FGB: variants seen among roughly 807,000 people sequenced by gnomAD.
FGB encodes fibrinogen beta chain.
In FGB, 25 loss-of-function variants were observed where a neutral mutation model predicts 57.9. The observed-to-expected ratio is 0.43, with a 90% confidence interval of 0.31 to 0.60. The LOEUF (loss-of-function observed/expected upper bound fraction) is 0.60, where lower values mean the gene tolerates loss of function less well. Ranked by LOEUF, FGB falls within the 20% of genes least tolerant of loss-of-function variation. FGB has a pLI of 0.08. For synonymous variants in FGB, 203 were observed against 199.2 expected (o/e 1.02, Z -0.16); for missense variants, 536 against 598.4 (o/e 0.90, Z 1.09).
In FGB at chr4:154,567,479, G is replaced by T. The variant is rs192905623; in HGVS notation, c.491-114G>T. 1.8e-4 allele frequency: 126 copies of T among 705,036 alleles called. 1 individual carries two copies. The East Asian group carries it at 3.0e-3, about 17-fold the overall frequency. 43.7% of individuals were successfully genotyped at this position (705,036 alleles called of 1,614,324 possible). A position where few individuals can be genotyped will look rare whatever the true frequency, so the allele number is the denominator to read the frequency against. Reference sequence around the variant, plus strand: ...TATGACTATATATCATAACTGCTTGGTGATAGCTCAGTGTTTAATAGTTTA... The same window carrying T: ...TATGACTATATATCATAACTGCTTGTTGATAGCTCAGTGTTTAATAGTTTA... On this transcript the variant is annotated intron_variant, in intron 3 of 7. Coordinates refer to ENST00000302068, the MANE Select transcript of FGB (RefSeq NM_005141.5).
chr4:154,565,607 C>CT, intron 1 of FGB: 1 of 595,026 alleles, frequency 1.7e-6, no homozygotes, highest in East Asian at 2.9e-5. Flanking sequence ...TGCATCATAG[C>CT]TTTTTTGTGC....
chr4:154,562,993 A>T, upstream of FGB: 1 of 1,132,086 alleles, frequency 8.8e-7, no homozygotes, highest in Non-Finnish European at 1.3e-6. Flanking sequence ...TATATATAGG[A>T]TTGAAGATCT....
intron 3 of FGB, 106 bp from the exon 4 acceptor site, chr4:154,567,487 T>C: frequency 1.4e-6 from 1 of 724,872 alleles, no homozygotes; most frequent in Non-Finnish European, 2.5e-6. Context: ...TGGTGATAGC[T>C]CAGTGTTTAA....
intron 1 of FGB, chr4:154,565,371 T>A (rs1730112109): frequency 3.5e-6 from 1 of 283,926 alleles, no homozygotes; most frequent in African/African-American, 2.3e-5. Flanking sequence ...CTTAAATATG[T>A]TTATATAGGA....
intron 1 of FGB, 78 bp from the exon 2 acceptor site, chr4:154,565,730 A>C (rs1437487817): frequency 7.1e-7 from 1 of 1,402,318 alleles, no homozygotes; most frequent in Non-Finnish European, 1.0e-6. Context: ...CCTAAATTAT[A>C]AAATGAGGGT....
At chr4:154,568,841 A>G (rs1202348048) in intron 5 of FGB, among the ~76,000 whole-genome samples, 1 of 150,422 alleles carries the variant, frequency 6.6e-6, no homozygotes, top group African/African-American at 2.5e-5. Flanking sequence ...AACAGAGGAT[A>G]GTGAGATCCT....
Position 154,568,507 on chromosome 4 carries a change from C to T in FGB, c.832+13C>T, listed in dbSNP as rs1267612010. ...ACAGAAAATGGAGGTAAGCTTTCGA[C>T]AGTTGTTGACCTGTTGATCTGTAAT... On this transcript the variant is annotated intron_variant, in intron 5 of 7. Coordinates refer to ENST00000302068, the MANE Select transcript of FGB (RefSeq NM_005141.5). The T allele has an allele frequency of 7.7e-7, 1 of 1,301,650 alleles. No individual in the cohort carries two copies. The highest frequency in any genetic ancestry group is 1.1e-6 in the Non-Finnish European group (1 of 895,334). 80.6% of individuals were successfully genotyped at this position (1,301,650 alleles called of 1,614,324 possible).
intron 1 of FGB, among the ~76,000 whole-genome samples, chr4:154,564,776 A>T (rs1022696571): frequency 6.6e-6 from 1 of 152,058 alleles, no homozygotes; most frequent in Non-Finnish European, 1.5e-5. Context: ...AAAAAATGAG[A>T]ATGTAGTTAA....
Position 154,570,714 on chromosome 4 carries a change from A to G in FGB, c.*64A>G, listed in dbSNP as rs1422843533. 1.6e-6 allele frequency: 2 copies of G among 1,283,408 alleles called. No homozygotes were observed. The highest frequency in any genetic ancestry group is 1.8e-4 in the Middle Eastern group (1 of 5,466). The allele number at this position is 1,283,408 out of a possible 1,614,324, so 79.5% of individuals were successfully genotyped here. On this transcript the variant is annotated 3_prime_UTR_variant, in exon 8 of 8. Transcript: ENST00000302068. ...ACATTTTTGTACATTATGTTATTGGAATTTTCTTTCATACATTATATTCCT... is the reference window on the plus strand; with the variant it reads ...ACATTTTTGTACATTATGTTATTGGGATTTTCTTTCATACATTATATTCCT...
intron 1 of FGB, among the ~76,000 whole-genome samples, chr4:154,563,812 A>G (rs1202679787): frequency 1.3e-5 from 2 of 152,032 alleles, no homozygotes; most frequent in Non-Finnish European, 2.9e-5. Flanking sequence ...CTAAAAATAC[A>G]GAAATGCATT....
chr4:154,566,351 A>G (rs1236614809), intron 2 of FGB, 138 bp from the exon 3 acceptor site: 3 of 789,308 alleles, frequency 3.8e-6, no homozygotes, highest in East Asian at 5.3e-5. Flanking sequence ...TGACTTTCGA[A>G]TTTCTGGTCT....
chr4:154,565,910 G>A lies in FGB; in HGVS notation c.217G>A (p.Ala73Thr). 1 of 1,614,048 alleles carries A rather than the reference G, an allele frequency of 6.2e-7. No homozygotes were observed. Among genetic ancestry groups the A allele is most frequent in the Non-Finnish European group, 8.5e-7 (1 of 1,180,034 alleles). The change falls in exon 2 of 8, where the codon GCT (alanine) becomes ACT (threonine). Residue 73 changes from alanine (A) to threonine (T), a missense_variant. Physicochemically the swap from Ala to Thr is moderately conservative, Grantham distance 58. This residue lies in a region of FGB where 354 missense variants were observed against 383.4 expected (regional missense o/e 0.92). Transcript: ENST00000302068. ...GCCCATCAGTGGAGGTGGCTATCGG[G>A]CTCGTCCAGCCAAAGCAGCTGCCAC... The part of the protein sequence containing the change: ...PPPISGGGYR[A>T]RPAKAAATQK...
intron 4 of FGB, 127 bp from the exon 5 acceptor site, chr4:154,568,254 T>C: frequency 1.4e-6 from 1 of 694,824 alleles, no homozygotes; most frequent in Non-Finnish European, 2.6e-6. Context: ...TTTGTTATAT[T>C]ATTTTCAAAG....
At chr4:154,567,950 C>G (rs1284546952) in intron 4 of FGB, 130 bp downstream of exon 4, 2 of 778,800 alleles carry the variant, frequency 2.6e-6, no homozygotes, top group East Asian at 5.1e-5. Context: ...TACAGTACAT[C>G]ATAAAAATAT....
At chr4:154,565,513 C>T (rs775931870) in intron 1 of FGB, 6 of 380,956 alleles carry the variant, frequency 1.6e-5, no homozygotes, top group Non-Finnish European at 2.4e-5. Context: ...TCGTAAGTTC[C>T]AATGTATGTT....
At position 154,568,349 on chromosome 4, in the gene FGB, C is replaced by G. The variant is rs140030259; in HGVS notation, c.719-32C>G. On this transcript the variant is annotated intron_variant, in intron 4 of 7. Transcript: ENST00000302068. ...AAATACAAAGTAATTATGTCATAAA[C>G]CCCTGAACATAATGTTGTCTTACAT... 7.3e-4 allele frequency: 797 copies of G among 1,093,942 alleles called. 4 individuals carry two copies. The African/African-American group carries it at 0.01, about 14-fold the overall frequency. The allele number at this position is 1,093,942 out of a possible 1,614,324, so 67.8% of individuals were successfully genotyped here. A position where few individuals can be genotyped will look rare whatever the true frequency, so the allele number is the denominator to read the frequency against.
intron 5 of FGB, among the ~76,000 whole-genome samples, chr4:154,568,753 A>G (rs1730285070): frequency 6.6e-6 from 1 of 151,134 alleles, no homozygotes; most frequent in Non-Finnish European, 1.5e-5. Flanking sequence ...AGTCCCAGCT[A>G]TCCAGGAGGC....
At position 154,570,624 on chromosome 4, in the gene FGB, A is replaced by C. The variant is rs763133457; in HGVS notation, c.1450A>C (p.Ile484Leu). The C allele has an allele frequency of 1.1e-5, 18 of 1,613,830 alleles. No individual in the cohort carries two copies. The African/African-American group carries it at 2.4e-4, about 22-fold the overall frequency. Residue 484 changes from isoleucine to leucine, a missense_variant, in exon 8 of 8, where the codon ATC (isoleucine) becomes CTC (leucine). Coordinates refer to ENST00000302068, the MANE Select transcript of FGB (RefSeq NM_005141.5). Reference protein sequence around the residue: ...WYSMRKMSMKIRPFFPQQ With the variant: ...WYSMRKMSMKLRPFFPQQ ...CTCAATGAGGAAGATGAGTATGAAG[A>C]TCAGGCCCTTCTTCCCACAGCAATA...
chr4:154,566,522 G>A lies in FGB; in HGVS notation c.340G>A (p.Glu114Lys), dbSNP rs1257352154. The A allele has an allele frequency of 1.1e-5, 18 of 1,613,992 alleles. No homozygotes were observed. The highest frequency in any genetic ancestry group is 1.5e-5 in the Non-Finnish European group (18 of 1,180,016). ...GTGTCCTACAGGATGTCAGTTGCAAGAGGCTTTGCTACAACAGGAAAGGCC... is the reference window on the plus strand; with the variant it reads ...GTGTCCTACAGGATGTCAGTTGCAAAAGGCTTTGCTACAACAGGAAAGGCC... The part of the protein sequence containing the change: ...VLCPTGCQLQ[E>K]ALLQQERPIR... The change falls in exon 3 of 8, where the codon GAG (glutamate) becomes AAG (lysine). Residue 114 changes from glutamate to lysine, a missense_variant. Glu to Lys is a moderately conservative substitution (Grantham distance 56). Around this residue, in one of 3 missense-constraint regions of FGB, gnomAD observed 354 missense variants for 383.4 expected, o/e 0.92. Coordinates refer to ENST00000302068, the MANE Select transcript of FGB (RefSeq NM_005141.5).
Sources: allele counts gnomAD v4.1 joint callset (sites outside exome capture counted in the v4.1 genomes callset), GRCh38; gene constraint gnomAD v4.1.1; regional missense constraint gnomAD v4.1.1; transcripts MANE v1.5; gene names NCBI Gene and HGNC (gene_info 2026-07-23, HGNC 2026-07-21).